Variants in SOX5 observed in about 807,000 individuals in gnomAD.
SOX5 encodes the protein transcription factor SOX-5.
Under a neutral mutation model 92.0 loss-of-function variants are expected in SOX5, and 9 were observed. The observed-to-expected ratio is 0.10, with a 90% CI of 0.06 to 0.17. The LOEUF (loss-of-function observed/expected upper bound fraction) is 0.17, where lower values mean the gene tolerates loss of function less well. Among genes scored for constraint, SOX5 ranks in the 10% least tolerant of loss-of-function variants. The pLI, the probability that SOX5 is intolerant of heterozygous loss-of-function variation, is 1.00. For synonymous variants in SOX5, 344 were observed against 336.3 expected, an observed-to-expected ratio of 1.02 and a Z score of -0.25; for missense variants, 642 against 944.5, an observed-to-expected ratio of 0.68 and a Z score of 4.20.
chr12:23,620,998 C>T (rs183114420), intron 8 of SOX5, among the ~76,000 whole-genome samples: 5 of 152,192 alleles, frequency 3.3e-5, no homozygotes, highest in African/African-American at 9.6e-5. Flanking sequence ...TTTAATCTTT[C>T]ATTATTTGTC....
Position 24,055,847 on chromosome 12 carries a change from C to T in SOX5, c.-2+157496G>A, listed in dbSNP as rs550489996. On this transcript the variant is annotated intron_variant, in intron 4 of 4. Transcript: ENST00000446891. The stretch of plus-strand genomic sequence containing the variant: ...TATTTAACAGAGTGAAAGGTAAAAC[C>T]ATCTTAGTAAATGTCATGTTCCTGT... Among the ~76,000 whole-genome samples the T allele has an allele frequency of 3.3e-5, 5 of 152,150 alleles. No homozygotes were observed. In the South Asian group the frequency reaches 1.0e-3, roughly 32 times the overall value.
At chr12:24,499,796 C>T (rs1402143425) in intron 1 of SOX5, among the ~76,000 whole-genome samples, 1 of 143,626 alleles carries the variant, frequency 7.0e-6, no homozygotes, top group Non-Finnish European at 1.5e-5. Flanking sequence ...CAAAAGAGAA[C>T]AGGAAGAGAA....
chr12:24,366,627 T>C (rs562607059), intron 2 of SOX5, among the ~76,000 whole-genome samples: 1 of 152,250 alleles, frequency 6.6e-6, no homozygotes, highest in South Asian at 2.1e-4. Context: ...GCACACACAT[T>C]CATACCATCC....
intron 4 of SOX5, among the ~76,000 whole-genome samples, chr12:24,086,629 A>G (rs1212410903): frequency 6.6e-6 from 1 of 151,930 alleles, no homozygotes; most frequent in Non-Finnish European, 1.5e-5. Context: ...CTACAAACCC[A>G]ATCTTTTGTT....
chr12:23,758,212 G>A (rs2094458433), intron 3 of SOX5, among the ~76,000 whole-genome samples: 1 of 151,762 alleles, frequency 6.6e-6, no homozygotes, highest in Non-Finnish European at 1.5e-5. Context: ...CAGAAACTAT[G>A]CTAGAGGTTT....
At chr12:23,576,937 T>C (rs1252555986) in intron 9 of SOX5, among the ~76,000 whole-genome samples, 2 of 151,262 alleles carry the variant, frequency 1.3e-5, no homozygotes, top group South Asian at 2.1e-4. Flanking sequence ...ATTTCACGAG[T>C]TAAGAACATA....
At position 23,918,293 on chromosome 12, in the gene SOX5, G is replaced by A. The variant is rs528611735; in HGVS notation, c.39-22269C>T. Among the ~76,000 whole-genome samples the A allele has an allele frequency of 6.6e-5, 10 of 152,156 alleles. No homozygotes were observed. In the South Asian group the frequency reaches 2.1e-3, roughly 32 times the overall value. On this transcript the variant is annotated intron_variant, in intron 1 of 14. Coordinates refer to ENST00000451604, the MANE Select transcript of SOX5 (RefSeq NM_006940.6). ...TTTCGTTTAGTCAAAGTATTTTAAA[G>A]GACATGGTTCCTAGAGAGTTCTAAT...
Position 23,653,030 on chromosome 12 carries a change from A to AGATGGATGGATG in SOX5, c.932-12145_932-12134dup, listed in dbSNP as rs377588371. On this transcript the variant is annotated intron_variant, in intron 7 of 14. Transcript: ENST00000451604. ...TGGATGGATGGATGAATGTACAGATAGATGGATGGATGGATGGATGGATGG... is the reference window on the plus strand; with the variant it reads ...TGGATGGATGGATGAATGTACAGATAGATGGATGGATGGATGGATGGATGGATGGATGGATGG... 2.1e-4 allele frequency among the ~76,000 whole-genome samples: 24 copies of AGATGGATGGATG among 115,866 alleles called. No individual in the cohort carries two copies. In the South Asian group the frequency reaches 2.9e-3, roughly 14 times the overall value. 76.0% of individuals were successfully genotyped at this position (115,866 alleles called of 152,430 possible).
intron 3 of SOX5, among the ~76,000 whole-genome samples, chr12:24,243,186 A>C (rs1179989101): frequency 6.6e-6 from 1 of 152,208 alleles, no homozygotes; most frequent in Non-Finnish European, 1.5e-5. Flanking sequence ...CTGGAACCCT[A>C]GCTCATTTAC....
At chr12:23,787,430 G>A (rs1032633496) in intron 3 of SOX5, among the ~76,000 whole-genome samples, 3 of 151,728 alleles carry the variant, frequency 2.0e-5, no homozygotes, top group Non-Finnish European at 2.9e-5. Flanking sequence ...GATTTAAACC[G>A]ACTAATTTTA....
chr12:24,092,353 A>G (rs1386194924), intron 4 of SOX5, among the ~76,000 whole-genome samples: 1 of 152,100 alleles, frequency 6.6e-6, no homozygotes, highest in Non-Finnish European at 1.5e-5. Context: ...AGATCCCACA[A>G]ACGGAGACTC....
intron 1 of SOX5, among the ~76,000 whole-genome samples, chr12:24,375,458 G>T (rs1957165444): frequency 6.6e-6 from 1 of 151,906 alleles, no homozygotes; most frequent in South Asian, 2.1e-4. Flanking sequence ...AATAAGGCCG[G>T]GTGCGGTGGC....
chr12:24,179,993 G>C (rs1955297811), intron 4 of SOX5, among the ~76,000 whole-genome samples: 1 of 151,116 alleles, frequency 6.6e-6, no homozygotes, highest in Non-Finnish European at 1.5e-5. Context: ...CATTGCCCAG[G>C]TTATGCAGTG....
At chr12:24,500,486 A>T (rs1948087272) in intron 1 of SOX5, among the ~76,000 whole-genome samples, 2 of 152,144 alleles carry the variant, frequency 1.3e-5, no homozygotes. Flanking sequence ...ACTTGTATAA[A>T]CTGTTTGAAT....
At chr12:24,319,032 T>C (rs1223991030) in intron 2 of SOX5, among the ~76,000 whole-genome samples, 3 of 152,216 alleles carry the variant, frequency 2.0e-5, no homozygotes, top group Non-Finnish European at 2.9e-5. Context: ...TGCCTCCACC[T>C]GTGTGTCTTC....
chr12:24,518,134 T>C (rs1029985389), intron 1 of SOX5, among the ~76,000 whole-genome samples: 3 of 151,912 alleles, frequency 2.0e-5, no homozygotes, highest in Non-Finnish European at 4.4e-5. Flanking sequence ...AGTGGCCCAG[T>C]TTCTACTGAC....
chr12:24,386,897 T>C (rs567682996), intron 1 of SOX5, among the ~76,000 whole-genome samples: 3 of 152,320 alleles, frequency 2.0e-5, no homozygotes, highest in African/African-American at 4.8e-5. Context: ...GAAAAAAAGA[T>C]AAATAGAAAA....
chr12:24,103,430 C>A (rs2138008873), intron 4 of SOX5, among the ~76,000 whole-genome samples: 1 of 151,838 alleles, frequency 6.6e-6, no homozygotes, highest in East Asian at 1.9e-4. Flanking sequence ...TCGTAGCTCA[C>A]TTTAGCCTCA....
chr12:23,775,127 G>A (rs975744296), intron 3 of SOX5, among the ~76,000 whole-genome samples: 12 of 152,132 alleles, frequency 7.9e-5, no homozygotes, highest in African/African-American at 2.9e-4. Flanking sequence ...TTAAACAAAT[G>A]CTCTAAATAG....
Sources: allele counts gnomAD v4.1 joint callset (sites outside exome capture counted in the v4.1 genomes callset), GRCh38; gene constraint gnomAD v4.1.1; transcripts MANE v1.5; gene names NCBI Gene and HGNC (gene_info 2026-07-23, HGNC 2026-07-21).